The following NPIPB11 variants were observed in gnomAD, a reference collection of about 807,000 sequenced individuals.
The protein encoded by NPIPB11 is nuclear pore complex-interacting protein family member B11.
In NPIPB11, 17 loss-of-function variants were observed where a neutral mutation model predicts 32.8. The ratio of observed to expected loss-of-function variants is 0.52; its 90% CI spans 0.35 to 0.78. The LOEUF is 0.78. NPIPB11 is among the 30% of genes least tolerant of loss of function. NPIPB11 has a pLI of 0.01. For missense variants in NPIPB11, 537 were observed against 1,000.4 expected (o/e 0.54, Z 6.25); for synonymous variants, 209 against 398.4 (o/e 0.52, Z 5.66).
Position 29,401,029 on chromosome 16 carries a change from G to A in NPIPB11, c.120+2654C>T, listed in dbSNP as rs371985277. Among the ~76,000 whole-genome samples, 153 of 152,190 alleles carry A rather than the reference G, an allele frequency of 1.0e-3. 1 individual carries two copies. Among genetic ancestry groups the A allele is most frequent in the South Asian group, 7.1e-3 (34 of 4,822 alleles). On this transcript the variant is annotated intron_variant, in intron 2 of 7. Coordinates refer to ENST00000524087, the Ensembl canonical transcript of NPIPB11. ...CCTCTGTGTCCTGGTCATTGAATGG[G>A]CACTTGAGTCACCCAGGGCCATTGG...
At position 29,402,995 on chromosome 16, in the gene NPIPB11, T is replaced by C. The variant is rs1347410365; in HGVS notation, c.120+688A>G. On this transcript the variant is annotated intron_variant, in intron 2 of 7. Transcript: ENST00000524087. ...AAAATTATAGAACATATATATGTAC[T>C]ATAGAATGTATTTATTATGAGTCAT... Among the ~76,000 whole-genome samples, 5 of 151,130 alleles carry C rather than the reference T, an allele frequency of 3.3e-5. No homozygotes were observed. The South Asian group carries it at 1.0e-3, about 32-fold the overall frequency.
At chr16:29,402,724 C>CTGTGTG (rs71214272) in intron 2 of NPIPB11, among the ~76,000 whole-genome samples, 6,233 of 119,392 alleles carry the variant, frequency 0.052, 244 homozygotes, top group Admixed American at 0.085. Flanking sequence ...CTCTCTCTCT[C>CTGTGTG]TGTGTGTGTG....
intron 3 of NPIPB11, among the ~76,000 whole-genome samples, chr16:29,390,867 G>C (rs1422602759): frequency 6.6e-6 from 1 of 150,828 alleles, no homozygotes; most frequent in Non-Finnish European, 1.5e-5. Flanking sequence ...GGAGGTTGAG[G>C]CAGGATAATC....
At chr16:29,406,644 G>T (rs1964119277), upstream of NPIPB11, among the ~76,000 whole-genome samples, 1 of 152,296 alleles carries the variant, frequency 6.6e-6, no homozygotes, top group South Asian at 2.1e-4. Flanking sequence ...AACCCAGGAG[G>T]CGGAGGTTGC....
Position 29,389,668 on chromosome 16 carries a change from G to GAAAGAA in NPIPB11, c.545+272_545+273insTTCTTT, listed in dbSNP as rs1262451402. ...CAACAACAGCAAAGCTCCATCTCAG[G>GAAAGAA]AAAAAAAAAAAAAAAAAAAAAAAAA... On this transcript the variant is annotated intron_variant, in intron 5 of 7. Coordinates refer to ENST00000524087, the Ensembl canonical transcript of NPIPB11. Among the ~76,000 whole-genome samples the GAAAGAA allele has an allele frequency of 4.0e-4, 7 of 17,290 alleles. 1 individual carries two copies. The Admixed American group carries it at 5.3e-3, about 13-fold the overall frequency. The allele number at this position is 17,290 out of a possible 152,430, so 11.3% of individuals were successfully genotyped here. A position where few individuals can be genotyped will look rare whatever the true frequency, so the allele number is the denominator to read the frequency against.
chr16:29,401,957 G>A (rs1291719420), intron 2 of NPIPB11, among the ~76,000 whole-genome samples: 2 of 151,124 alleles, frequency 1.3e-5, no homozygotes, highest in Admixed American at 1.3e-4. Context: ...GCCCATCCTA[G>A]CAGGCATGCA....
chr16:29,393,471 G>A (rs1332483059), intron 3 of NPIPB11, among the ~76,000 whole-genome samples: 3 of 152,008 alleles, frequency 2.0e-5, no homozygotes, highest in Admixed American at 1.3e-4. Flanking sequence ...TCAACCACCC[G>A]GCAGTTCTAG....
At chr16:29,404,710 T>C (rs1293529866), upstream of NPIPB11, among the ~76,000 whole-genome samples, 1 of 151,528 alleles carries the variant, frequency 6.6e-6, no homozygotes, top group African/African-American at 2.4e-5. Flanking sequence ...CTTTTGTATT[T>C]TCCTCCTCGC....
chr16:29,400,649 A>AG (rs1194367907), intron 2 of NPIPB11, among the ~76,000 whole-genome samples: 2 of 151,316 alleles, frequency 1.3e-5, no homozygotes. Context: ...AGGGAAGGCC[A>AG]GGGGTAGGGC....
exon 8 of NPIPB11, chr16:29,382,067 T>A: frequency 2.1e-6 from 1 of 467,266 alleles, no homozygotes; most frequent in South Asian, 2.2e-5. Context: ...CTGCTGAGGG[T>A]GGAGCTGAGG....
upstream of NPIPB11, among the ~76,000 whole-genome samples, chr16:29,406,606 C>T (rs1458649516): frequency 6.6e-6 from 1 of 152,024 alleles, no homozygotes; most frequent in Non-Finnish European, 1.5e-5. Flanking sequence ...CTCAGCTACT[C>T]GGGAGGCTGA....
chr16:29,390,378 T>C, intron 3 of NPIPB11, 30 bp from the exon 4 acceptor site: 2 of 1,563,486 alleles, frequency 1.3e-6, no homozygotes, highest in Non-Finnish European at 1.7e-6. Flanking sequence ...GAATGACGGC[T>C]GGGCACGGTG....
chr16:29,397,309 C>T (rs1193183169), intron 2 of NPIPB11, among the ~76,000 whole-genome samples: 2 of 151,840 alleles, frequency 1.3e-5, no homozygotes, highest in African/African-American at 4.8e-5. Flanking sequence ...TGGGCCCAAG[C>T]GATCCTCCCA....
chr16:29,390,478 C>T, intron 3 of NPIPB11, 130 bp from the exon 4 acceptor site: 2 of 1,418,488 alleles, frequency 1.4e-6, no homozygotes, highest in Non-Finnish European at 2.0e-6. Context: ...GATGGTGAAA[C>T]CCCATCTCTA....
exon 3 of NPIPB11, chr16:29,393,983 T>C (rs770718519): frequency 1.3e-6 from 2 of 1,599,368 alleles, no homozygotes; most frequent in Non-Finnish European, 1.7e-6. Context: ...ATGACAACTT[T>C]ATAACTTGTC....
chr16:29,393,228 A>G (rs1963765049), intron 3 of NPIPB11, among the ~76,000 whole-genome samples: 2 of 151,384 alleles, frequency 1.3e-5, no homozygotes, highest in African/African-American at 4.9e-5. Flanking sequence ...CTTGGAGGGC[A>G]GTTCTAAGAG....
exon 8 of NPIPB11, chr16:29,384,099 G>A (rs1458945255): frequency 7.8e-6 from 9 of 1,155,122 alleles, no homozygotes; most frequent in East Asian, 6.5e-5. Flanking sequence ...ATTATCATCC[G>A]CTGAGGGTGG....
intron 2 of NPIPB11, among the ~76,000 whole-genome samples, chr16:29,394,700 G>A (rs1361799114): frequency 6.6e-6 from 1 of 152,002 alleles, no homozygotes; most frequent in Non-Finnish European, 1.5e-5. Context: ...CCAAAGTGCT[G>A]GGATTACAGG....
At chr16:29,391,621 T>C (rs1263720123) in intron 3 of NPIPB11, among the ~76,000 whole-genome samples, 2 of 152,030 alleles carry the variant, frequency 1.3e-5, no homozygotes, top group Non-Finnish European at 2.9e-5. Flanking sequence ...ATGCTTTTAA[T>C]CTTCTAAGAC....
Sources: gnomAD v4.1 joint callset for allele counts (sites outside exome capture counted in the v4.1 genomes callset) on GRCh38, gnomAD v4.1.1 for gene constraint, MANE v1.5 for transcripts, NCBI Gene and HGNC (gene_info 2026-07-23, HGNC 2026-07-21) for gene names.